The following TNFRSF10A variants were observed in gnomAD, a reference collection of about 807,000 sequenced individuals.
TNFRSF10A encodes the protein TNF receptor superfamily member 10a.
Under a neutral mutation model 42.8 loss-of-function variants are expected in TNFRSF10A, and 44 were observed. That is an observed-to-expected ratio of 1.03 (90% CI 0.81 to 1.32). The LOEUF is 1.32. TNFRSF10A is among the 40% of genes most tolerant of loss of function. The pLI, the probability that TNFRSF10A is intolerant of heterozygous loss-of-function variation, is 0.00. For missense variants in TNFRSF10A, 680 were observed against 602.0 expected, an observed-to-expected ratio of 1.13 and a Z score of -1.36; for synonymous variants, 259 against 234.2, an observed-to-expected ratio of 1.11 and a Z score of -0.97.
chr8:23,218,085 G>A (rs559432753), intron 1 of TNFRSF10A, among the ~76,000 whole-genome samples: 1 of 152,330 alleles, frequency 6.6e-6, no homozygotes, highest in South Asian at 2.1e-4. Context: ...GGAGATGGAA[G>A]GTGAGGTCAG....
intron 1 of TNFRSF10A, among the ~76,000 whole-genome samples, chr8:23,222,169 A>G (rs1014825786): frequency 1.3e-5 from 2 of 151,768 alleles, no homozygotes; most frequent in East Asian, 1.9e-4. Context: ...TAGCCACCGC[A>G]CCCGGCCACA....
chr8:23,222,986 T>A (rs1227324583), intron 1 of TNFRSF10A, among the ~76,000 whole-genome samples: 1 of 152,200 alleles, frequency 6.6e-6, no homozygotes, highest in East Asian at 1.9e-4. Context: ...CAGATGCTGG[T>A]GGCATGCTTC....
chr8:23,222,043 A>AT (rs1393816154), intron 1 of TNFRSF10A, among the ~76,000 whole-genome samples: 4 of 151,752 alleles, frequency 2.6e-5, no homozygotes, highest in African/African-American at 9.7e-5. Context: ...TGCCTGGCTA[A>AT]TTTTTTTCAA....
chr8:23,215,291 C>T (rs62501127), intron 1 of TNFRSF10A, among the ~76,000 whole-genome samples: 22,007 of 151,986 alleles, frequency 0.14, 1,865 homozygotes, highest in Middle Eastern at 0.24. Flanking sequence ...CCAAAGTGGG[C>T]GACCACCTGA....
chr8:23,199,174 C>T lies in TNFRSF10A; in HGVS notation c.1014+92G>A, dbSNP rs77635581. The T allele has an allele frequency of 2.9e-3, 4,413 of 1,499,856 alleles. 117 individuals are homozygous for T. The African/African-American group carries it at 0.055, about 19-fold the overall frequency. 92.9% of individuals were successfully genotyped at this position (1,499,856 alleles called of 1,614,324 possible). On this transcript the variant is annotated intron_variant, in intron 8 of 9. Transcript: ENST00000221132. ...CCCCGTCCCCTGCAGTCCCATCTCCCTCAGGCTCCACTTCCCCTTTGACCA... is the reference window on the plus strand; with the variant it reads ...CCCCGTCCCCTGCAGTCCCATCTCCTTCAGGCTCCACTTCCCCTTTGACCA...
chr8:23,196,360 A>ATT (rs369246289), intron 9 of TNFRSF10A, among the ~76,000 whole-genome samples: 3 of 151,212 alleles, frequency 2.0e-5, no homozygotes, highest in Non-Finnish European at 4.4e-5. Flanking sequence ...CGCCTGGCTA[A>ATT]TTTTTTTTTG....
At chr8:23,210,554 C>T (rs557817557) in intron 2 of TNFRSF10A, among the ~76,000 whole-genome samples, 8 of 152,166 alleles carry the variant, frequency 5.3e-5, no homozygotes, top group South Asian at 4.2e-4. Context: ...TGGTGGCAGG[C>T]GCCTGTAGTC....
Position 23,224,915 on chromosome 8 carries a change from GC to G in TNFRSF10A, c.146del (p.Gly49AlafsTer194). The G allele has an allele frequency of 1.3e-5, 21 of 1,597,624 alleles. No individual in the cohort carries two copies. Among genetic ancestry groups the G allele is most frequent in the Non-Finnish European group, 1.8e-5 (21 of 1,172,424 alleles). On this transcript the variant is annotated frameshift_variant, in exon 1 of 10. Transcript: ENST00000221132. LOFTEE classifies it high-confidence loss of function. ...GSSAGRIEPR[G>X]GGRGALPTSM... ...AGGTAGGGAGCGCTCCTCGGCCCCC[GC>G]CTCGTGGTTCAATCCTCCCCGCGGA...
chr8:23,196,157 C>T (rs1189319574), intron 9 of TNFRSF10A, among the ~76,000 whole-genome samples: 1 of 152,022 alleles, frequency 6.6e-6, no homozygotes, highest in Non-Finnish European at 1.5e-5. Flanking sequence ...TTGATTGCTT[C>T]CTTACCCCTC....
At chr8:23,202,614 CCA>C (rs755575170) in intron 3 of TNFRSF10A, 32 bp downstream of exon 3, 1 of 1,566,122 alleles carries the variant, frequency 6.4e-7, no homozygotes, top group Non-Finnish European at 8.8e-7. Context: ...GCCCCTCACT[CCA>C]CCTCTGGACA....
At chr8:23,216,110 G>A (rs540294525) in intron 1 of TNFRSF10A, among the ~76,000 whole-genome samples, 3 of 152,084 alleles carry the variant, frequency 2.0e-5, no homozygotes, top group Non-Finnish European at 4.4e-5. Context: ...GAGCCATCTC[G>A]TCCGGCCAGT....
intron 1 of TNFRSF10A, among the ~76,000 whole-genome samples, chr8:23,218,057 T>G (rs1801209038): frequency 6.6e-6 from 1 of 152,102 alleles, no homozygotes; most frequent in African/African-American, 2.4e-5. Flanking sequence ...CTCTGAGGTT[T>G]GTGGGCGTCT....
intron 1 of TNFRSF10A, among the ~76,000 whole-genome samples, chr8:23,215,680 A>G (rs1184418681): frequency 6.6e-6 from 1 of 152,190 alleles, no homozygotes; most frequent in African/African-American, 2.4e-5. Context: ...TGTCAAATTG[A>G]TTGGCATAAA....
At chr8:23,219,963 T>A (rs1801235269) in intron 1 of TNFRSF10A, among the ~76,000 whole-genome samples, 1 of 152,180 alleles carries the variant, frequency 6.6e-6, no homozygotes, top group Admixed American at 6.5e-5. Context: ...TGCACACACG[T>A]TCCCCCTCTG....
chr8:23,200,702 C>T lies in TNFRSF10A; in HGVS notation c.688G>A (p.Val230Ile), dbSNP rs746051592. The T allele has an allele frequency of 1.4e-5, 23 of 1,607,592 alleles. No individual in the cohort carries two copies. The East Asian group carries it at 4.5e-4, about 31-fold the overall frequency. The change falls in exon 5 of 10, where the codon GTC becomes ATC. Residue 230 changes from valine (V) to isoleucine (I), a missense_variant. Transcript: ENST00000221132. ...GGCTTTGTACCTGATTCTTTGTGGA[C>T]ACACTCGATGTCACTCCAGGGCGTA... Reference protein sequence around the residue: ...DCTPWSDIECVHKESGNGHNI... With the variant: ...DCTPWSDIECIHKESGNGHNI...
chr8:23,205,766 A>G (rs1368600428), intron 2 of TNFRSF10A, among the ~76,000 whole-genome samples: 4 of 141,732 alleles, frequency 2.8e-5, no homozygotes, highest in African/African-American at 1.0e-4. Flanking sequence ...GCTGGAGTGC[A>G]GTGGCGCAAT....
intron 9 of TNFRSF10A, among the ~76,000 whole-genome samples, chr8:23,194,046 C>T (rs1029901806): frequency 2.0e-5 from 3 of 152,190 alleles, no homozygotes; most frequent in Non-Finnish European, 4.4e-5. Context: ...GCCATGGAAA[C>T]TGCTTTACCT....
At chr8:23,201,658 A>G (rs1194091347) in intron 4 of TNFRSF10A, 150 bp downstream of exon 4, 14 of 683,160 alleles carry the variant, frequency 2.0e-5, no homozygotes, top group Non-Finnish European at 3.2e-5. Flanking sequence ...GGCTCAGGAG[A>G]CGCCACAGGC....
rs763963313 is a variant in TNFRSF10A, at chr8:23,224,876, G to A, written c.186C>T (p.His62=). Residue 62 remains histidine, a synonymous_variant, in exon 1 of 10, where the codon CAC becomes CAT. Coordinates refer to ENST00000221132, the MANE Select transcript of TNFRSF10A (RefSeq NM_003844.4). ...CTGCCCGGGCCCGGGCACTGGGTCC[G>A]TGCTGTCCCATGGAGGTAGGGAGCG... The part of the protein sequence containing the change: ...RGALPTSMGQ[H]GPSARARAGR... The A allele has an allele frequency of 6.3e-7, 1 of 1,581,576 alleles. No homozygotes were observed. The highest frequency in any genetic ancestry group is 2.3e-5 in the East Asian group (1 of 42,884).
Sources: allele counts gnomAD v4.1 joint callset (sites outside exome capture counted in the v4.1 genomes callset), GRCh38; gene constraint gnomAD v4.1.1; transcripts MANE v1.5; gene names NCBI Gene and HGNC (gene_info 2026-07-23, HGNC 2026-07-21).